HPSE2: variants seen among roughly 807,000 people sequenced by gnomAD.
HPSE2 encodes the protein heparanase 2 (inactive).
Under a neutral mutation model 60.5 loss-of-function variants are expected in HPSE2, and 38 were observed. That is an observed-to-expected ratio of 0.63 (90% confidence interval 0.48 to 0.82). HPSE2 has a LOEUF of 0.82. Among genes scored for constraint, HPSE2 ranks in the 40% least tolerant of loss-of-function variants. The pLI, the probability that HPSE2 is intolerant of heterozygous loss-of-function variation, is 0.00. For synonymous variants in HPSE2, 295 were observed against 293.2 expected (o/e 1.01, Z -0.06); for missense variants, 713 against 740.4 (o/e 0.96, Z 0.43).
chr10:99,295,353 T>TG, the HPSE2 span, among the ~76,000 whole-genome samples: 133,616 of 152,178 alleles, frequency 0.88, 58,889 homozygotes, highest in African/African-American at 0.94. Flanking sequence ...CTCAGGAGAA[T>TG]GAATTATGGT....
chr10:98,794,375 C>T (rs1411934737), intron 3 of HPSE2, among the ~76,000 whole-genome samples: 1 of 151,940 alleles, frequency 6.6e-6, no homozygotes, highest in African/African-American at 2.4e-5. Context: ...TCCTGAGTAG[C>T]TGGGATTACA....
intron 3 of HPSE2, among the ~76,000 whole-genome samples, chr10:98,868,763 A>G (rs752332338): frequency 3.3e-5 from 5 of 152,200 alleles, no homozygotes; most frequent in Admixed American, 6.5e-5. Flanking sequence ...CTACCTTAGC[A>G]GTATCATAGA....
chr10:98,873,555 C>T (rs964158790), intron 3 of HPSE2, among the ~76,000 whole-genome samples: 6 of 151,940 alleles, frequency 3.9e-5, no homozygotes, highest in Non-Finnish European at 5.9e-5. Flanking sequence ...TTTTATGCAT[C>T]GAATACTGCA....
intron 3 of HPSE2, among the ~76,000 whole-genome samples, chr10:98,993,332 T>C (rs1354589833): frequency 2.0e-5 from 3 of 152,198 alleles, no homozygotes; most frequent in Non-Finnish European, 4.4e-5. Flanking sequence ...GACAAATTGC[T>C]CAGACATATA....
chr10:98,681,274 G>A (rs542278070), intron 6 of HPSE2, among the ~76,000 whole-genome samples: 27 of 152,128 alleles, frequency 1.8e-4, no homozygotes, highest in Non-Finnish European at 3.5e-4. Flanking sequence ...ATCTGCCACC[G>A]TGAACTTGTC....
intron 2 of HPSE2, among the ~76,000 whole-genome samples, chr10:99,172,204 T>TC (rs1847338012): frequency 6.6e-6 from 1 of 152,092 alleles, no homozygotes; most frequent in South Asian, 2.1e-4. Flanking sequence ...CACCCATTAG[T>TC]CCCCAGCGTG....
Position 98,743,875 on chromosome 10 carries a change from T to C in HPSE2, c.784+8A>G, listed in dbSNP as rs759764850. 3 of 1,612,254 alleles carry C rather than the reference T, an allele frequency of 1.9e-6. No individual in the cohort carries two copies. Among genetic ancestry groups the C allele is most frequent in the Admixed American group, 1.7e-5 (1 of 60,026 alleles). On this transcript the variant is annotated splice_region_variant and intron_variant, in intron 4 of 11. Transcript: ENST00000370552. ...TGTCAATTCAGAGGAAGTAACATCC[T>C]TACTTACCATTACCCAGTTCCCAAG...
chr10:98,733,159 T>C (rs1034921071), intron 4 of HPSE2, among the ~76,000 whole-genome samples: 4 of 152,086 alleles, frequency 2.6e-5, no homozygotes, highest in African/African-American at 9.7e-5. Context: ...CTTGCTCTGT[T>C]ACCCAGGCTG....
rs561806404 is a variant in HPSE2, at chr10:99,184,417, C to T, written c.449-40018G>A. ...GTGCATGCCTATGGGCCCAGCTATTCGGGAGGCTGAGGCAGTGGAATCGCT... is the reference window on the plus strand; with the variant it reads ...GTGCATGCCTATGGGCCCAGCTATTTGGGAGGCTGAGGCAGTGGAATCGCT... On this transcript the variant is annotated intron_variant, in intron 2 of 11. Transcript: ENST00000370552. 1.4e-4 allele frequency among the ~76,000 whole-genome samples: 21 copies of T among 148,522 alleles called. 1 individual carries two copies. The highest frequency in any genetic ancestry group is 4.3e-4 in the African/African-American group (17 of 39,982).
At chr10:99,188,078 T>C (rs1848093317) in intron 2 of HPSE2, among the ~76,000 whole-genome samples, 1 of 152,232 alleles carries the variant, frequency 6.6e-6, no homozygotes, top group Admixed American at 6.5e-5. Context: ...TGAGCATCCA[T>C]GGATTTTGAT....
chr10:98,517,049 A>G lies in HPSE2; in HGVS notation c.1321-26853T>C, dbSNP rs375744880. On this transcript the variant is annotated intron_variant, in intron 9 of 11. Transcript: ENST00000370552. Reference sequence around the variant, plus strand: ...TTAGTTTCAGGGGTTATTTTTATCCAGGAAAATATTGTAGGAATAATCCCT... The same window carrying G: ...TTAGTTTCAGGGGTTATTTTTATCCGGGAAAATATTGTAGGAATAATCCCT... 3.3e-5 allele frequency among the ~76,000 whole-genome samples: 5 copies of G among 152,180 alleles called. No individual in the cohort carries two copies. The East Asian group carries it at 9.6e-4, about 29-fold the overall frequency.
chr10:99,230,945 A>G (rs998247714), intron 2 of HPSE2, among the ~76,000 whole-genome samples: 1 of 152,232 alleles, frequency 6.6e-6, no homozygotes, highest in African/African-American at 2.4e-5. Context: ...GGTGCTGTTA[A>G]AGACTATCTT....
intron 8 of HPSE2, among the ~76,000 whole-genome samples, chr10:98,617,199 T>C (rs571771197): frequency 6.6e-6 from 1 of 152,334 alleles, no homozygotes; most frequent in South Asian, 2.1e-4. Context: ...TGTTTTTATA[T>C]GTGAAAAGAT....
At chr10:99,133,925 T>G (rs1002528581) in intron 3 of HPSE2, among the ~76,000 whole-genome samples, 1 of 152,134 alleles carries the variant, frequency 6.6e-6, no homozygotes, top group Non-Finnish European at 1.5e-5. Context: ...CAAACTCCTC[T>G]GAGCTAAAGG....
rs573972042 is a variant in HPSE2 at position 98,596,388 on chromosome 10, A to G, written c.1320+18516T>C. Among the ~76,000 whole-genome samples, 5 of 152,242 alleles carry G rather than the reference A, an allele frequency of 3.3e-5. No homozygotes were observed. The South Asian group carries it at 1.0e-3, about 32-fold the overall frequency. On this transcript the variant is annotated intron_variant, in intron 9 of 11. Transcript: ENST00000370552. ...TAAATGGTTTACACAACACCATTACAGTATTAAAGTATTCTGAACTTGACT... is the reference window on the plus strand; with the variant it reads ...TAAATGGTTTACACAACACCATTACGGTATTAAAGTATTCTGAACTTGACT...
At chr10:98,686,068 G>T (rs938948837) in intron 6 of HPSE2, among the ~76,000 whole-genome samples, 1 of 151,630 alleles carries the variant, frequency 6.6e-6, no homozygotes, top group Non-Finnish European at 1.5e-5. Context: ...CTCTGTCTAG[G>T]GTTTTTCACA....
rs1842961882 is a variant in HPSE2, at chr10:99,076,700, CT to C, written c.610+67537del. Reference sequence around the variant, plus strand: ...TCCATGCCTGACTCTATTTTTCATACTTTTGTCTTTTAGCTTTTACACTAGA... The same window carrying C: ...TCCATGCCTGACTCTATTTTTCATACTTTGTCTTTTAGCTTTTACACTAGA... On this transcript the variant is annotated intron_variant, in intron 3 of 11. Transcript: ENST00000370552. Among the ~76,000 whole-genome samples, 4 of 152,130 alleles carry C rather than the reference CT, an allele frequency of 2.6e-5. No homozygotes were observed. In the South Asian group the frequency reaches 6.2e-4, roughly 24 times the overall value.
chr10:98,925,243 C>T (rs1213835766), intron 3 of HPSE2, among the ~76,000 whole-genome samples: 2 of 152,126 alleles, frequency 1.3e-5, no homozygotes, highest in Non-Finnish European at 2.9e-5. Context: ...TGGGGCTTTT[C>T]TGTGTACAGA....
intron 6 of HPSE2, among the ~76,000 whole-genome samples, chr10:98,662,014 C>A (rs1213876572): frequency 2.0e-5 from 3 of 152,188 alleles, no homozygotes; most frequent in African/African-American, 7.2e-5. Context: ...CCTGCCTCAG[C>A]CTCCTGAGTA....
Sources: gnomAD v4.1 joint callset for allele counts (sites outside exome capture counted in the v4.1 genomes callset) on GRCh38, gnomAD v4.1.1 for gene constraint, MANE v1.5 for transcripts, NCBI Gene and HGNC (gene_info 2026-07-23, HGNC 2026-07-21) for gene names.